The following GALNT13 variants were observed in gnomAD, a reference collection of about 807,000 sequenced individuals.
The protein encoded by GALNT13 is UDP-GalNAc:polypeptide N-acetylgalactosaminyltransferase 13.
A neutral mutation model predicts 64.2 loss-of-function variants in GALNT13; 28 were observed. The ratio of observed to expected loss-of-function variants is 0.44; its 90% CI spans 0.32 to 0.60. GALNT13 has a LOEUF of 0.60. Among genes scored for constraint, GALNT13 ranks in the 20% least tolerant of loss-of-function variants. The pLI, the probability that GALNT13 is intolerant of heterozygous loss-of-function variation, is 0.05. For synonymous variants in GALNT13, 214 were observed against 224.6 expected (o/e 0.95, Z 0.42); for missense variants, 577 against 669.8 (o/e 0.86, Z 1.53).
At chr2:153,885,308 A>T (rs1484069765) in intron 1 of GALNT13, among the ~76,000 whole-genome samples, 1 of 152,026 alleles carries the variant, frequency 6.6e-6, no homozygotes, top group Non-Finnish European at 1.5e-5. Flanking sequence ...GTATCCTTTA[A>T]GTTTGATTCT....
At chr2:153,478,694 T>C in the GALNT13 span, 1 of 770,358 alleles carries the variant, frequency 1.3e-6, no homozygotes, top group Non-Finnish European at 2.1e-6. Context: ...TCGCTCTGCT[T>C]TCGAAAGTCC....
At chr2:154,301,298 C>A in intron 8 of GALNT13, 111 bp from the exon 9 acceptor site, 1 of 900,528 alleles carries the variant, frequency 1.1e-6, no homozygotes, top group Non-Finnish European at 1.7e-6. Context: ...CTAAATTTTG[C>A]ATCAGATATT....
intron 9 of GALNT13, among the ~76,000 whole-genome samples, chr2:154,315,043 T>C (rs886826904): frequency 1.3e-5 from 2 of 152,136 alleles, no homozygotes; most frequent in Non-Finnish European, 2.9e-5. Context: ...AGAAACCCAG[T>C]CTTTTCTCTA....
At chr2:153,298,470 A>G in the GALNT13 span, among the ~76,000 whole-genome samples, 14 of 152,336 alleles carry the variant, frequency 9.2e-5, no homozygotes, top group African/African-American at 2.4e-4. Context: ...AGCAAATACT[A>G]TAAGAGTGGT....
chr2:153,292,176 A>G, the GALNT13 span, among the ~76,000 whole-genome samples: 1 of 152,140 alleles, frequency 6.6e-6, no homozygotes, highest in African/African-American at 2.4e-5. Context: ...ACGGTGGGCC[A>G]AAGGATGTGA....
chr2:153,373,277 T>C, the GALNT13 span, among the ~76,000 whole-genome samples: 30 of 152,262 alleles, frequency 2.0e-4, no homozygotes, highest in South Asian at 3.3e-3. Flanking sequence ...CAAGCATGAC[T>C]TCACTTTTGA....
intron 11 of GALNT13, among the ~76,000 whole-genome samples, chr2:154,416,935 G>A (rs926407055): frequency 2.4e-4 from 37 of 152,158 alleles, no homozygotes; most frequent in Non-Finnish European, 4.4e-5. Context: ...AACTCAGTGT[G>A]TCTATAATTA....
At chr2:153,941,145 G>T (rs191666966) in intron 2 of GALNT13, among the ~76,000 whole-genome samples, 2 of 152,082 alleles carry the variant, frequency 1.3e-5, no homozygotes, top group East Asian at 3.9e-4. Context: ...ACAGGCACAC[G>T]CCACCTTGCC....
the GALNT13 span, among the ~76,000 whole-genome samples, chr2:153,334,546 G>T: frequency 1.3e-5 from 2 of 151,684 alleles, no homozygotes; most frequent in African/African-American, 2.4e-5. Flanking sequence ...AAATGATAAA[G>T]ATTTTTTTTT....
the GALNT13 span, among the ~76,000 whole-genome samples, chr2:153,087,872 A>G: frequency 3.9e-5 from 6 of 152,030 alleles, no homozygotes; most frequent in African/African-American, 1.4e-4. Flanking sequence ...TTTCTTGGTA[A>G]TCTCACTAAT....
chr2:153,818,285 G>C, the GALNT13 span, among the ~76,000 whole-genome samples: 1 of 152,266 alleles, frequency 6.6e-6, no homozygotes, highest in South Asian at 2.1e-4. Flanking sequence ...AGCCTATGTG[G>C]AGCCCCACAG....
chr2:154,071,823 T>C (rs1009677874), intron 3 of GALNT13, among the ~76,000 whole-genome samples: 1 of 152,092 alleles, frequency 6.6e-6, no homozygotes, highest in African/African-American at 2.4e-5. Context: ...ATCCTTTTAC[T>C]TGGTGATTTT....
the GALNT13 span, among the ~76,000 whole-genome samples, chr2:153,585,729 A>T: frequency 6.6e-6 from 1 of 152,052 alleles, no homozygotes; most frequent in Non-Finnish European, 1.5e-5. Context: ...CTACCAGTGA[A>T]CTCTTCAGCA....
intron 3 of GALNT13, among the ~76,000 whole-genome samples, chr2:153,966,224 T>TC (rs1553460792): frequency 1.4e-4 from 21 of 150,370 alleles, no homozygotes; most frequent in African/African-American, 4.6e-4. Context: ...GATTTCTTTT[T>TC]TTTTTTTTTT....
chr2:154,222,670 C>T (rs1339832075), intron 4 of GALNT13, among the ~76,000 whole-genome samples: 1 of 152,080 alleles, frequency 6.6e-6, no homozygotes, highest in African/African-American at 2.4e-5. Context: ...GACTTGAATT[C>T]TGGTCAAAGC....
At chr2:154,085,946 T>G (rs1701501160) in intron 3 of GALNT13, among the ~76,000 whole-genome samples, 2 of 151,836 alleles carry the variant, frequency 1.3e-5, no homozygotes, top group African/African-American at 4.8e-5. Context: ...TAAAGTATGT[T>G]GTAATTTGGC....
intron 3 of GALNT13, among the ~76,000 whole-genome samples, chr2:154,013,259 T>G (rs575925867): frequency 4.3e-4 from 65 of 151,734 alleles, no homozygotes; most frequent in African/African-American, 1.4e-3. Flanking sequence ...GGTGTTTGAT[T>G]GTGGTATAGG....
At chr2:153,860,727 G>A in the GALNT13 span, among the ~76,000 whole-genome samples, 1 of 152,092 alleles carries the variant, frequency 6.6e-6, no homozygotes, top group African/African-American at 2.4e-5. Context: ...CTAAGTGGGA[G>A]GCACTCCATT....
At chr2:153,759,643 C>A in the GALNT13 span, among the ~76,000 whole-genome samples, 1 of 151,864 alleles carries the variant, frequency 6.6e-6, no homozygotes, top group Admixed American at 6.6e-5. Context: ...TCCTTGCATC[C>A]CTGTGATAAA....
Sources: allele counts gnomAD v4.1 joint callset (sites outside exome capture counted in the v4.1 genomes callset), GRCh38; gene constraint gnomAD v4.1.1; transcripts MANE v1.5; gene names NCBI Gene and HGNC (gene_info 2026-07-23, HGNC 2026-07-21).